The following EXOC4 variants were observed in gnomAD, a reference collection of about 807,000 sequenced individuals.
EXOC4 encodes exocyst complex component 4.
Under a neutral mutation model 107.2 loss-of-function variants are expected in EXOC4, and 71 were observed. The observed-to-expected ratio is 0.66, with a 90% CI of 0.55 to 0.81. The LOEUF (loss-of-function observed/expected upper bound fraction) is 0.81, where lower values mean the gene tolerates loss of function less well. Among genes scored for constraint, EXOC4 ranks in the 30% least tolerant of loss-of-function variants. The pLI, the probability that EXOC4 is intolerant of heterozygous loss-of-function variation, is 0.00. For missense variants in EXOC4, 1,108 were observed against 1,189.6 expected (o/e 0.93, Z 1.01); for synonymous variants, 456 against 441.2 (o/e 1.03, Z -0.42).
chr7:133,507,178 T>G (rs1284942829), intron 9 of EXOC4, among the ~76,000 whole-genome samples: 4 of 152,280 alleles, frequency 2.6e-5, no homozygotes, highest in South Asian at 2.1e-4. Context: ...ACAGTCCTTA[T>G]TAACTTTCTC....
At chr7:133,575,677 A>G (rs1169282673) in intron 9 of EXOC4, among the ~76,000 whole-genome samples, 1 of 152,186 alleles carries the variant, frequency 6.6e-6, no homozygotes, top group Non-Finnish European at 1.5e-5. Flanking sequence ...CAGCAAAGCA[A>G]AGAGGGTTTA....
At chr7:133,848,700 C>T (rs186506313) in intron 11 of EXOC4, among the ~76,000 whole-genome samples, 43 of 152,274 alleles carry the variant, frequency 2.8e-4, no homozygotes, top group South Asian at 1.2e-3. Context: ...CACCTCATCC[C>T]TTCTCTGGGA....
intron 11 of EXOC4, among the ~76,000 whole-genome samples, chr7:133,886,829 T>G (rs1478341141): frequency 6.6e-6 from 1 of 152,206 alleles, no homozygotes; most frequent in Non-Finnish European, 1.5e-5. Flanking sequence ...TTTTCAACAT[T>G]TATCTGTCAG....
At chr7:133,597,903 C>T (rs141357917) in intron 9 of EXOC4, among the ~76,000 whole-genome samples, 46 of 152,042 alleles carry the variant, frequency 3.0e-4, no homozygotes, top group African/African-American at 1.1e-3. Context: ...TAATCAATCC[C>T]AGCTACTCTG....
At chr7:133,989,777 A>G (rs965645842) in intron 14 of EXOC4, among the ~76,000 whole-genome samples, 5 of 152,176 alleles carry the variant, frequency 3.3e-5, no homozygotes, top group Non-Finnish European at 7.3e-5. Flanking sequence ...GACTGGAGAA[A>G]GTCAGTGTTG....
chr7:133,780,609 G>A (rs988953336), intron 10 of EXOC4, among the ~76,000 whole-genome samples: 11 of 152,134 alleles, frequency 7.2e-5, no homozygotes, highest in African/African-American at 2.7e-4. Flanking sequence ...TGGGAGAGAT[G>A]TGTTTTTTTC....
chr7:133,926,351 T>G (rs1800052330), intron 13 of EXOC4, among the ~76,000 whole-genome samples: 1 of 152,210 alleles, frequency 6.6e-6, no homozygotes, highest in Non-Finnish European at 1.5e-5. Flanking sequence ...GACATTTGAA[T>G]TATTCCTTTA....
intron 10 of EXOC4, among the ~76,000 whole-genome samples, chr7:133,761,907 C>T (rs2151152233): frequency 6.6e-6 from 1 of 152,288 alleles, no homozygotes; most frequent in Middle Eastern, 3.4e-3. Context: ...TCCCTCCTGA[C>T]ATGAGACTTC....
intron 10 of EXOC4, among the ~76,000 whole-genome samples, chr7:133,715,036 C>T (rs146834676): frequency 2.0e-5 from 3 of 152,212 alleles, no homozygotes; most frequent in African/African-American, 7.2e-5. Flanking sequence ...CTTTACTCCT[C>T]AAAATCATCA....
At chr7:134,084,709 T>TA in the EXOC4 span, among the ~76,000 whole-genome samples, 6,586 of 83,112 alleles carry the variant, frequency 0.079, 228 homozygotes, top group African/African-American at 0.13. Context: ...GGTGCAGCCG[T>TA]AAAAAAAAAA....
At chr7:133,979,482 T>G (rs1396925641) in intron 14 of EXOC4, among the ~76,000 whole-genome samples, 1 of 152,078 alleles carries the variant, frequency 6.6e-6, no homozygotes, top group Non-Finnish European at 1.5e-5. Context: ...ATTCTTTGAA[T>G]TCCTAAAATA....
intron 10 of EXOC4, among the ~76,000 whole-genome samples, chr7:133,796,450 A>C (rs1391121223): frequency 6.6e-6 from 1 of 152,162 alleles, no homozygotes; most frequent in Non-Finnish European, 1.5e-5. Context: ...GCATTGATGT[A>C]ATATTGAGTT....
At chr7:133,986,530 T>C (rs1042909175) in intron 14 of EXOC4, among the ~76,000 whole-genome samples, 8 of 152,296 alleles carry the variant, frequency 5.3e-5, no homozygotes, top group African/African-American at 1.7e-4. Context: ...TTTGGCGTAA[T>C]GACTTAGTTC....
At chr7:133,616,791 C>G (rs569929533) in intron 9 of EXOC4, among the ~76,000 whole-genome samples, 1 of 152,038 alleles carries the variant, frequency 6.6e-6, no homozygotes, top group East Asian at 1.9e-4. Context: ...GAATTATCAT[C>G]GATATCAACG....
chr7:134,012,680 T>G (rs1431524817), intron 17 of EXOC4, among the ~76,000 whole-genome samples: 1 of 151,790 alleles, frequency 6.6e-6, no homozygotes, highest in African/African-American at 2.4e-5. Context: ...AGCATATAGG[T>G]GGGATTTAAA....
intron 10 of EXOC4, among the ~76,000 whole-genome samples, chr7:133,692,322 T>C (rs942449978): frequency 5.9e-5 from 9 of 152,238 alleles, no homozygotes; most frequent in African/African-American, 2.2e-4. Flanking sequence ...TAGTTTTTAC[T>C]AAAGTCTTTT....
At chr7:133,600,142 T>A (rs1338305543) in intron 9 of EXOC4, among the ~76,000 whole-genome samples, 1 of 152,086 alleles carries the variant, frequency 6.6e-6, no homozygotes, top group Non-Finnish European at 1.5e-5. Context: ...CCTCAAGAAA[T>A]CTGTTGGCCT....
intron 10 of EXOC4, among the ~76,000 whole-genome samples, chr7:133,690,991 A>G (rs1019025941): frequency 1.3e-5 from 2 of 152,162 alleles, no homozygotes; most frequent in African/African-American, 4.8e-5. Context: ...CACCCTCACA[A>G]GGGAAATTTC....
intron 11 of EXOC4, among the ~76,000 whole-genome samples, chr7:133,858,301 T>C (rs1238910448): frequency 6.6e-6 from 1 of 152,182 alleles, no homozygotes; most frequent in East Asian, 1.9e-4. Context: ...GGGTAGCTAC[T>C]ACCTGCAGAC....
Sources: gnomAD v4.1 joint callset for allele counts (sites outside exome capture counted in the v4.1 genomes callset) on GRCh38, gnomAD v4.1.1 for gene constraint, MANE v1.5 for transcripts, NCBI Gene and HGNC (gene_info 2026-07-23, HGNC 2026-07-21) for gene names.